IMMP2L: variants seen among roughly 807,000 people sequenced by gnomAD.
IMMP2L encodes the protein mitochondrial inner membrane protease subunit 2.
Under a neutral mutation model 19.3 loss-of-function variants are expected in IMMP2L, and 18 were observed. The observed-to-expected ratio is 0.93, with a 90% CI of 0.64 to 1.38. IMMP2L has a LOEUF of 1.38. IMMP2L is among the 40% of genes most tolerant of loss of function. The pLI, the probability that IMMP2L is intolerant of heterozygous loss-of-function variation, is 0.00. For missense variants in IMMP2L, 233 were observed against 218.2 expected, an observed-to-expected ratio of 1.07 and a Z score of -0.43; for synonymous variants, 76 against 73.0, an observed-to-expected ratio of 1.04 and a Z score of -0.21.
At chr7:111,306,926 T>C (rs1311622852) in intron 3 of IMMP2L, among the ~76,000 whole-genome samples, 1 of 151,110 alleles carries the variant, frequency 6.6e-6, no homozygotes, top group Non-Finnish European at 1.5e-5. Flanking sequence ...ATGAAAATTA[T>C]CTCTCATTAT....
intron 3 of IMMP2L, among the ~76,000 whole-genome samples, chr7:111,006,872 G>A (rs765795043): frequency 1.3e-5 from 2 of 152,074 alleles, no homozygotes; most frequent in Non-Finnish European, 2.9e-5. Flanking sequence ...CTTTCCCTCT[G>A]CTGAATCATT....
rs529973103 is a variant in IMMP2L at position 111,503,614 on chromosome 7, T to A, written c.136-16273A>T. On this transcript the variant is annotated intron_variant, in intron 2 of 5. Transcript: ENST00000405709. ...AAATCCAGCAGCACATCAAAAAGCTTTTCCACCATGATCAAGTGGGCTTCA... is the reference window on the plus strand; with the variant it reads ...AAATCCAGCAGCACATCAAAAAGCTATTCCACCATGATCAAGTGGGCTTCA... Among the ~76,000 whole-genome samples, 172 of 152,194 alleles carry A rather than the reference T, an allele frequency of 1.1e-3. 1 individual carries two copies. Among genetic ancestry groups the A allele is most frequent in the Admixed American group, 2.3e-3 (35 of 15,274 alleles).
At chr7:110,707,173 A>G (rs1794761403) in intron 5 of IMMP2L, among the ~76,000 whole-genome samples, 1 of 62,104 alleles carries the variant, frequency 1.6e-5, no homozygotes, top group South Asian at 7.3e-4. Flanking sequence ...ACCCCACCAC[A>G]GTCCCCAGAG....
At chr7:111,332,267 C>T (rs1266197474) in intron 3 of IMMP2L, among the ~76,000 whole-genome samples, 1 of 151,648 alleles carries the variant, frequency 6.6e-6, no homozygotes, top group Non-Finnish European at 1.5e-5. Flanking sequence ...AAAAAGGTTA[C>T]TAGAGAAAGA....
chr7:111,418,655 C>T (rs1835175584), intron 3 of IMMP2L, among the ~76,000 whole-genome samples: 1 of 151,780 alleles, frequency 6.6e-6, no homozygotes, highest in Non-Finnish European at 1.5e-5. Flanking sequence ...GTTATTTAAA[C>T]CACTAAGGCT....
intron 3 of IMMP2L, among the ~76,000 whole-genome samples, chr7:111,120,925 C>T (rs1279233535): frequency 6.7e-6 from 1 of 149,008 alleles, no homozygotes; most frequent in Non-Finnish European, 1.5e-5. Flanking sequence ...TTTATGTTGC[C>T]TCTCTAACAG....
intron 3 of IMMP2L, among the ~76,000 whole-genome samples, chr7:111,394,349 T>C (rs542530762): frequency 1.3e-5 from 2 of 152,180 alleles, no homozygotes; most frequent in Non-Finnish European, 2.9e-5. Context: ...GCTGCCATCA[T>C]TGATGACATC....
At position 110,887,615 on chromosome 7, in the gene IMMP2L, T is replaced by C. The variant is rs1486405482; in HGVS notation, c.306-920A>G. Among the ~76,000 whole-genome samples, 10 of 151,476 alleles carry C rather than the reference T, an allele frequency of 6.6e-5. 1 individual carries two copies. The Middle Eastern group carries it at 0.01, about 156-fold the overall frequency. ...GCAAAAAAAAAAAAAATAATTTACC[T>C]AAATATTCAACAACACAGAATTGGT... On this transcript the variant is annotated intron_variant, in intron 4 of 5. Transcript: ENST00000405709.
intron 5 of IMMP2L, among the ~76,000 whole-genome samples, chr7:110,715,603 T>C (rs991892470): frequency 1.3e-5 from 2 of 152,226 alleles, no homozygotes; most frequent in African/African-American, 4.8e-5. Flanking sequence ...TACTGATTTC[T>C]ATTTGTATTC....
At chr7:111,310,461 C>A (rs1823394201) in intron 3 of IMMP2L, among the ~76,000 whole-genome samples, 1 of 151,908 alleles carries the variant, frequency 6.6e-6, no homozygotes, top group African/African-American at 2.4e-5. Flanking sequence ...TTCTGTTGGT[C>A]TTTATTTTTA....
At chr7:111,484,527 C>T (rs1237482795) in intron 3 of IMMP2L, among the ~76,000 whole-genome samples, 1 of 151,992 alleles carries the variant, frequency 6.6e-6, no homozygotes, top group African/African-American at 2.4e-5. Context: ...AGCTTTAAAT[C>T]GAACATTTTA....
chr7:111,288,675 C>T (rs952382157), intron 3 of IMMP2L, among the ~76,000 whole-genome samples: 2 of 152,178 alleles, frequency 1.3e-5, no homozygotes, highest in Non-Finnish European at 2.9e-5. Flanking sequence ...AAAAGTTCAT[C>T]ATCACTGGTC....
chr7:111,225,015 T>C (rs1812926933), intron 3 of IMMP2L, among the ~76,000 whole-genome samples: 1 of 152,148 alleles, frequency 6.6e-6, no homozygotes, highest in African/African-American at 2.4e-5. Flanking sequence ...GTACAATGGT[T>C]GTTTAAGGAA....
intron 5 of IMMP2L, among the ~76,000 whole-genome samples, chr7:110,670,387 T>G (rs1791808555): frequency 2.6e-5 from 4 of 152,060 alleles, no homozygotes; most frequent in Admixed American, 2.6e-4. Context: ...AATACACACA[T>G]GAATTTAAAA....
intron 4 of IMMP2L, among the ~76,000 whole-genome samples, chr7:110,910,563 G>A (rs912402054): frequency 6.6e-6 from 1 of 152,132 alleles, no homozygotes; most frequent in Non-Finnish European, 1.5e-5. Flanking sequence ...GAATCAGAGA[G>A]ACTTTGACTT....
chr7:111,394,219 C>T (rs573434053), intron 3 of IMMP2L, among the ~76,000 whole-genome samples: 149 of 152,096 alleles, frequency 9.8e-4, no homozygotes, highest in African/African-American at 3.4e-3. Context: ...ATAAATGACA[C>T]AAAGATGAAT....
intron 3 of IMMP2L, among the ~76,000 whole-genome samples, chr7:111,463,977 G>C (rs1187829675): frequency 6.6e-6 from 1 of 152,166 alleles, no homozygotes; most frequent in African/African-American, 2.4e-5. Flanking sequence ...ATCACTTTCT[G>C]TCATATATAC....
chr7:110,680,861 G>A (rs1170281010), intron 5 of IMMP2L, among the ~76,000 whole-genome samples: 2 of 152,146 alleles, frequency 1.3e-5, no homozygotes, highest in Non-Finnish European at 2.9e-5. Context: ...GAGATTACTG[G>A]CAGAGACATG....
chr7:110,866,675 T>C (rs1808013182), intron 5 of IMMP2L, among the ~76,000 whole-genome samples: 1 of 152,072 alleles, frequency 6.6e-6, no homozygotes, highest in Admixed American at 6.6e-5. Flanking sequence ...TCAAGTTAAT[T>C]ACTCTTTTAA....
Sources: allele counts gnomAD v4.1 joint callset (sites outside exome capture counted in the v4.1 genomes callset), GRCh38; gene constraint gnomAD v4.1.1; transcripts MANE v1.5; gene names NCBI Gene and HGNC (gene_info 2026-07-23, HGNC 2026-07-21).